Variants in FKBP1C observed in about 807,000 individuals in gnomAD.
The protein encoded by FKBP1C is FKBP prolyl isomerase family member 1C.
Under a neutral mutation model 7.1 loss-of-function variants are expected in FKBP1C, and 7 were observed. The ratio of observed to expected loss-of-function variants is 0.99; its 90% CI spans 0.56 to 1.86. FKBP1C has a LOEUF of 1.86. FKBP1C is among the 40% of genes most tolerant of loss of function. The pLI is 0.00. For synonymous variants in FKBP1C, 56 were observed against 51.2 expected (o/e 1.09, Z -0.40); for missense variants, 159 against 139.9 (o/e 1.14, Z -0.69).
At chr6:63,211,757 G>A (rs772123012) in exon 1 of FKBP1C, 25 of 1,613,886 alleles carry the variant, frequency 1.5e-5, no homozygotes, top group Non-Finnish European at 1.9e-5. Flanking sequence ...TTGTCCAGAT[G>A]AGTGTGGGTC....
At position 63,211,766 on chromosome 6, in the gene FKBP1C, T is replaced by C. The variant is rs140761747; in HGVS notation, c.210T>C (p.Gly70=). ...AAGGGGTTGTCCAGATGAGTGTGGG[T>C]CAGAGAGCCAAACTGACTATATCTC... is the stretch of plus-strand genomic sequence containing the variant. The change falls in exon 1 of 1, where the codon GGT becomes GGC. Residue 70 remains glycine (G), a synonymous_variant. Transcript: ENST00000370659. The C allele has an allele frequency of 1.8e-3, 2,890 of 1,613,938 alleles. 38 individuals are homozygous for C. The African/African-American group carries it at 0.033, about 18-fold the overall frequency.
chr6:63,211,642 GGATGCTTGAA>G, the FKBP1C span: 1 of 1,613,778 alleles, frequency 6.2e-7, no homozygotes, highest in Admixed American at 1.7e-5. Flanking sequence ...CACTACACCG[GGATGCTTGAA>G]GATGGAAAGA....
exon 1 of FKBP1C, chr6:63,212,986 T>C (rs1238171962): frequency 6.1e-6 from 1 of 165,036 alleles, no homozygotes; most frequent in East Asian, 1.9e-4. Flanking sequence ...TCAAGTTTTA[T>C]TATTGCAATA....
rs1766127949 is a variant in FKBP1C, at chr6:63,212,980, G to A, written c.*1097G>A. The A allele has an allele frequency of 2.4e-5, 4 of 164,552 alleles. No individual in the cohort carries two copies. The Admixed American group carries it at 2.7e-4, about 11-fold the overall frequency. 10.2% of individuals were successfully genotyped at this position (164,552 alleles called of 1,614,324 possible). ...CCCTAGCACCATATATGAGTCTCAAGTTTTATTATTGCAATAAAAGTGCTT... is the reference window on the plus strand; with the variant it reads ...CCCTAGCACCATATATGAGTCTCAAATTTTATTATTGCAATAAAAGTGCTT... On this transcript the variant is annotated 3_prime_UTR_variant, in exon 1 of 1. Coordinates refer to ENST00000370659, the Ensembl canonical transcript of FKBP1C.
At chr6:63,212,025 A>G (rs1290392599) in exon 1 of FKBP1C, 11 of 946,196 alleles carry the variant, frequency 1.2e-5, no homozygotes, top group Non-Finnish European at 1.6e-5. Context: ...CCCCAACTGA[A>G]TGTGTTCTGT....
At chr6:63,212,145 T>A in exon 1 of FKBP1C, 2 of 595,546 alleles carry the variant, frequency 3.4e-6, no homozygotes, top group Non-Finnish European at 6.1e-6. Flanking sequence ...TACTTTTTCA[T>A]TTTGGGGTGA....
At chr6:63,212,683 T>G (rs1766124553) in exon 1 of FKBP1C, 1 of 166,592 alleles carries the variant, frequency 6.0e-6, no homozygotes, top group Non-Finnish European at 1.5e-5. Flanking sequence ...CTCCACCACT[T>G]CCTAAATCTT....
exon 1 of FKBP1C, chr6:63,212,819 C>T (rs1415150351): frequency 1.2e-5 from 2 of 166,860 alleles, no homozygotes; most frequent in East Asian, 3.8e-4. Context: ...ATCCCAGCTT[C>T]AGCATCTCCT....
chr6:63,213,024 A>AAAAAAAATAAAT (rs1554166201), downstream of FKBP1C: 1 of 154,082 alleles, frequency 6.5e-6, no homozygotes, highest in Non-Finnish European at 1.5e-5. Flanking sequence ...CTTTTCTCAA[A>AAAAAAAATAAAT]AAATAAATAA....
chr6:63,211,716 CAGG>C, exon 1 of FKBP1C: 1 of 1,613,986 alleles, frequency 6.2e-7, no homozygotes, highest in Non-Finnish European at 8.5e-7. Context: ...GCTAGGCAAG[CAGG>C]AGGTGATCCG....
chr6:63,212,240 G>A, exon 1 of FKBP1C: 1 of 381,754 alleles, frequency 2.6e-6, no homozygotes, highest in East Asian at 4.8e-5. Flanking sequence ...GTTAACGTTA[G>A]GATAGGAATT....
exon 1 of FKBP1C, chr6:63,212,477 C>T (rs1766120147): frequency 5.9e-6 from 1 of 169,728 alleles, no homozygotes; most frequent in African/African-American, 2.4e-5. Context: ...CCATTCCCAC[C>T]CCACCCTCCC....
chr6:63,212,569 A>G (rs1581987006), exon 1 of FKBP1C: 1 of 145,852 alleles, frequency 6.9e-6, no homozygotes, highest in African/African-American at 2.9e-5. Context: ...GCCAGCAGGG[A>G]CCTCTGAAGC....
Position 63,211,918 on chromosome 6 carries a change from G to C in FKBP1C, c.*35G>C, listed in dbSNP as rs766887695. 11 of 1,610,398 alleles carry C rather than the reference G, an allele frequency of 6.8e-6. No individual in the cohort carries two copies. The South Asian group carries it at 1.2e-4, about 18-fold the overall frequency. On this transcript the variant is annotated 3_prime_UTR_variant, in exon 1 of 1. Coordinates refer to ENST00000370659, the Ensembl canonical transcript of FKBP1C. ...CCTCCTCCCTTAGCTCCCTGTTCTT[G>C]GATCTGCCATGGAGGGATCTGGTGC...
At chr6:63,212,022 T>C in exon 1 of FKBP1C, 1 of 953,036 alleles carries the variant, frequency 1.0e-6, no homozygotes, top group Non-Finnish European at 1.6e-6. Flanking sequence ...CTGCCCCAAC[T>C]GAATGTGTTC....
exon 1 of FKBP1C, chr6:63,211,665 T>C (rs1281412211): frequency 6.2e-7 from 1 of 1,613,890 alleles, no homozygotes; most frequent in Non-Finnish European, 8.5e-7. Context: ...TGGAAAGAAA[T>C]TTGATTCCTC....
exon 1 of FKBP1C, chr6:63,211,950 A>G (rs746755554): frequency 1.5e-4 from 227 of 1,530,638 alleles, no homozygotes; most frequent in Non-Finnish European, 2.0e-4. Flanking sequence ...GTGCCTCCAG[A>G]CGTGTGCACA....
At chr6:63,211,860 G>A in exon 1 of FKBP1C, 1 of 1,613,402 alleles carries the variant, frequency 6.2e-7, no homozygotes, top group South Asian at 1.1e-5. Flanking sequence ...CGTCTTCGAT[G>A]TGGAGCTTCT....
exon 1 of FKBP1C, chr6:63,212,904 T>G (rs1356940443): frequency 1.2e-5 from 2 of 166,882 alleles, no homozygotes; most frequent in Non-Finnish European, 2.9e-5. Context: ...TTCTCACCCC[T>G]TTGCTGTCCT....
Sources: allele counts gnomAD v4.1 joint callset, GRCh38; gene constraint gnomAD v4.1.1; transcripts MANE v1.5; gene names NCBI Gene and HGNC (gene_info 2026-07-23, HGNC 2026-07-21).